The following STK33 variants were observed in gnomAD, a reference collection of about 807,000 sequenced individuals.
STK33 encodes serine/threonine-protein kinase 33.
Under a neutral mutation model 58.0 loss-of-function variants are expected in STK33, and 52 were observed. The observed-to-expected ratio is 0.90, with a 90% CI of 0.72 to 1.13. The LOEUF is 1.13. Ranked by LOEUF, STK33 falls within the 50% of genes most tolerant of loss-of-function variation. The pLI is 0.00. For synonymous variants in STK33, 215 were observed against 200.1 expected, an observed-to-expected ratio of 1.07 and a Z score of -0.63; for missense variants, 630 against 604.2, an observed-to-expected ratio of 1.04 and a Z score of -0.45.
the STK33 span, among the ~76,000 whole-genome samples, chr11:8,354,150 C>T: frequency 3.3e-5 from 5 of 152,044 alleles, no homozygotes; most frequent in Non-Finnish European, 5.9e-5. Flanking sequence ...CACTATGTTA[C>T]CCACCGTGTC....
the STK33 span, among the ~76,000 whole-genome samples, chr11:8,337,611 G>A: frequency 6.7e-6 from 1 of 148,182 alleles, no homozygotes; most frequent in Non-Finnish European, 1.5e-5. Flanking sequence ...CTGCAGCGTG[G>A]GCCAGGCAGA....
At chr11:8,464,357 A>G (rs1445026301) in intron 7 of STK33, among the ~76,000 whole-genome samples, 1 of 152,224 alleles carries the variant, frequency 6.6e-6, no homozygotes, top group African/African-American at 2.4e-5. Context: ...CAAAATCAGG[A>G]GAGAGTATCT....
the STK33 span, among the ~76,000 whole-genome samples, chr11:8,341,359 C>T: frequency 3.9e-5 from 6 of 152,190 alleles, no homozygotes; most frequent in Non-Finnish European, 5.9e-5. Flanking sequence ...CTACTGCCCT[C>T]ACCCCATCCC....
chr11:8,455,939 T>C (rs982287316), intron 9 of STK33, among the ~76,000 whole-genome samples: 3 of 152,184 alleles, frequency 2.0e-5, no homozygotes, highest in Non-Finnish European at 4.4e-5. Context: ...GCTTTGTTTT[T>C]GGAATTTTTA....
intron 1 of STK33, among the ~76,000 whole-genome samples, chr11:8,590,623 T>C (rs1050461202): frequency 6.6e-6 from 1 of 152,222 alleles, no homozygotes; most frequent in African/African-American, 2.4e-5. Context: ...GTAAACTTTT[T>C]AAAATAAAAC....
the STK33 span, among the ~76,000 whole-genome samples, chr11:8,360,089 C>G: frequency 1.3e-5 from 2 of 152,274 alleles, no homozygotes; most frequent in African/African-American, 4.8e-5. Flanking sequence ...GCCCCTGCCT[C>G]TTTGTCCCAG....
chr11:8,370,153 G>A, the STK33 span, among the ~76,000 whole-genome samples: 1 of 152,192 alleles, frequency 6.6e-6, no homozygotes, highest in Non-Finnish European at 1.5e-5. Context: ...AGAGCTAAGG[G>A]GGAACAGGGA....
downstream of STK33, among the ~76,000 whole-genome samples, chr11:8,389,271 A>G (rs1410998347): frequency 6.6e-6 from 1 of 152,266 alleles, no homozygotes; most frequent in Non-Finnish European, 1.5e-5. Context: ...GCAAATGCCC[A>G]GCAGCCTGGC....
chr11:8,457,371 C>T lies in STK33; in HGVS notation c.667G>A (p.Ala223Thr), dbSNP rs537936728. Residue 223 changes from alanine to threonine, a missense_variant, in exon 9 of 16, where the codon GCA (alanine) becomes ACA (threonine). Ala to Thr is a moderately conservative substitution (Grantham distance 58). Transcript: ENST00000687296. ...NETRWIIQSL[A>T]SAIAYLHNND... ...TTGTGAAGATATGCTATAGCTGATG[C>T]GAGACTTTGAATGATCCACCTTGTC... The T allele has an allele frequency of 3.4e-5, 55 of 1,603,960 alleles. No homozygotes were observed. The highest frequency in any genetic ancestry group is 2.0e-4 in the South Asian group (18 of 89,694).
intron 6 of STK33, among the ~76,000 whole-genome samples, chr11:8,472,577 C>T (rs1384259829): frequency 2.6e-5 from 4 of 152,062 alleles, no homozygotes; most frequent in Non-Finnish European, 4.4e-5. Flanking sequence ...ATTTGTGGTG[C>T]CCCAAAGCAA....
chr11:8,510,374 T>G (rs987091841), intron 1 of STK33, among the ~76,000 whole-genome samples: 3 of 152,238 alleles, frequency 2.0e-5, no homozygotes, highest in Admixed American at 6.5e-5. Context: ...TTGACTTGCT[T>G]AAGTTCCTTG....
rs541671649 is a variant in STK33 at position 8,546,669 on chromosome 11, CAT to C, written c.-466+47412_-466+47413del. Reference sequence around the variant, plus strand: ...ATGGCATTAACTTGTTCATCCCCCACATGAGTGAAATCATGCAATATTTGTCT... The same window carrying C: ...ATGGCATTAACTTGTTCATCCCCCACGAGTGAAATCATGCAATATTTGTCT... On this transcript the variant is annotated intron_variant, in intron 1 of 15. Coordinates refer to ENST00000687296, the MANE Select transcript of STK33 (RefSeq NM_001352389.2). Among the ~76,000 whole-genome samples, 483 of 151,630 alleles carry C rather than the reference CAT, an allele frequency of 3.2e-3. 1 individual carries two copies. The highest frequency in any genetic ancestry group is 0.011 in the African/African-American group (459 of 41,374).
chr11:8,402,342 A>G (rs1938194927), intron 15 of STK33, among the ~76,000 whole-genome samples: 1 of 152,160 alleles, frequency 6.6e-6, no homozygotes, highest in Admixed American at 6.5e-5. Context: ...GGAAACCATC[A>G]TTCTCAGCAA....
chr11:8,479,106 A>G (rs1383015279), intron 2 of STK33, among the ~76,000 whole-genome samples: 1 of 152,166 alleles, frequency 6.6e-6, no homozygotes, highest in African/African-American at 2.4e-5. Flanking sequence ...TGTGGCCCCT[A>G]TACTGACAGT....
intron 14 of STK33, among the ~76,000 whole-genome samples, chr11:8,430,706 G>A (rs1453616609): frequency 6.6e-6 from 1 of 151,892 alleles, no homozygotes; most frequent in Non-Finnish European, 1.5e-5. Context: ...CTAGGCTGTG[G>A]GCAACCTGTG....
chr11:8,358,836 TC>T, the STK33 span, among the ~76,000 whole-genome samples: 1 of 152,190 alleles, frequency 6.6e-6, no homozygotes, highest in South Asian at 2.1e-4. Flanking sequence ...CGTAATACCT[TC>T]CCACATAGTT....
In STK33 at chr11:8,394,182, T is replaced by A. The variant is rs76415124; in HGVS notation, c.1345-1472A>T. 1.0e-2 allele frequency among the ~76,000 whole-genome samples: 1,520 copies of A among 152,286 alleles called. 24 individuals are homozygous for A. The highest frequency in any genetic ancestry group is 0.034 in the African/African-American group (1,413 of 41,544). On this transcript the variant is annotated intron_variant, in intron 15 of 15. Transcript: ENST00000687296. ...TTCTTTAGTATTCCCTCACATAGGT[T>A]GTATTTTTATCGAAAACTCCTTATG...
intron 1 of STK33, among the ~76,000 whole-genome samples, chr11:8,551,753 C>T (rs1956316440): frequency 6.6e-6 from 1 of 152,166 alleles, no homozygotes; most frequent in African/African-American, 2.4e-5. Flanking sequence ...GTTATTGCTT[C>T]CTAATCTAGG....
the STK33 span, among the ~76,000 whole-genome samples, chr11:8,372,275 A>G: frequency 7.3e-6 from 1 of 137,696 alleles, no homozygotes; most frequent in African/African-American, 2.5e-5. Flanking sequence ...ATGAACACCA[A>G]TCGGGCCCTT....
Sources: gnomAD v4.1 joint callset for allele counts (sites outside exome capture counted in the v4.1 genomes callset) on GRCh38, gnomAD v4.1.1 for gene constraint, MANE v1.5 for transcripts, NCBI Gene and HGNC (gene_info 2026-07-23, HGNC 2026-07-21) for gene names.